The following PRSS23 variants were observed in gnomAD, a reference collection of about 807,000 sequenced individuals.
PRSS23 encodes serine protease 23.
A neutral mutation model predicts 34.7 loss-of-function variants in PRSS23; 25 were observed. The observed-to-expected ratio is 0.72, with a 90% confidence interval of 0.53 to 1.01. PRSS23 has a LOEUF of 1.01. Among genes scored for constraint, PRSS23 ranks in the 50% least tolerant of loss-of-function variants. The pLI, the probability that PRSS23 is intolerant of heterozygous loss-of-function variation, is 0.00. For synonymous variants in PRSS23, 176 were observed against 186.6 expected (o/e 0.94, Z 0.46); for missense variants, 445 against 475.6 (o/e 0.94, Z 0.60).
At chr11:86,930,054 C>T (rs1260458705) in intron 2 of PRSS23, among the ~76,000 whole-genome samples, 5 of 151,578 alleles carry the variant, frequency 3.3e-5, no homozygotes, top group African/African-American at 9.7e-5. Context: ...TAGTATTATA[C>T]TATACTATAA....
intron 2 of PRSS23, chr11:86,832,628 A>G (rs556047981): frequency 4.1e-6 from 2 of 488,810 alleles, no homozygotes; most frequent in African/African-American, 2.0e-5. Context: ...CGTGTACATC[A>G]TTGAGGCCAC....
At chr11:86,863,250 G>C (rs373994401) in intron 2 of PRSS23, among the ~76,000 whole-genome samples, 1 of 152,046 alleles carries the variant, frequency 6.6e-6, no homozygotes, top group East Asian at 1.9e-4. Context: ...TATATTATTT[G>C]TAACATCATA....
intron 2 of PRSS23, among the ~76,000 whole-genome samples, chr11:86,869,191 G>C (rs907249897): frequency 9.9e-5 from 15 of 152,134 alleles, no homozygotes; most frequent in Admixed American, 9.2e-4. Context: ...AGAAAAGTAG[G>C]TAGACAAACA....
At chr11:86,902,014 A>C (rs371401321) in intron 2 of PRSS23, among the ~76,000 whole-genome samples, 7 of 152,262 alleles carry the variant, frequency 4.6e-5, no homozygotes, top group African/African-American at 1.4e-4. Context: ...GGTGTTGCTC[A>C]TCTTTGCTTA....
chr11:86,944,054 T>A (rs1317034491), intron 2 of PRSS23, among the ~76,000 whole-genome samples: 1 of 152,064 alleles, frequency 6.6e-6, no homozygotes, highest in Non-Finnish European at 1.5e-5. Context: ...AGGAATTTAT[T>A]CTTACACAGT....
intron 2 of PRSS23, among the ~76,000 whole-genome samples, chr11:86,886,127 G>A (rs1385349013): frequency 6.6e-6 from 1 of 152,224 alleles, no homozygotes; most frequent in Non-Finnish European, 1.5e-5. Flanking sequence ...ACTTTGGGAA[G>A]CTGAGGCAGG....
chr11:86,869,037 T>C (rs1341311025), intron 2 of PRSS23, among the ~76,000 whole-genome samples: 1 of 152,142 alleles, frequency 6.6e-6, no homozygotes, highest in African/African-American at 2.4e-5. Flanking sequence ...GCTCTAAAAG[T>C]CCTGGAGTCA....
chr11:86,801,006 C>G (rs1276171417), intron 1 of PRSS23, among the ~76,000 whole-genome samples: 1 of 151,996 alleles, frequency 6.6e-6, no homozygotes, highest in Non-Finnish European at 1.5e-5. Context: ...CCCCCATGCA[C>G]CCCCCCAACA....
At chr11:86,823,598 G>A (rs776405802) in intron 2 of PRSS23, 9 of 702,486 alleles carry the variant, frequency 1.3e-5, no homozygotes, top group Admixed American at 2.0e-5. Context: ...GAGGAGGTAA[G>A]TTCATATCAG....
intron 2 of PRSS23, among the ~76,000 whole-genome samples, chr11:86,918,526 C>T (rs1337854980): frequency 2.6e-5 from 4 of 152,192 alleles, no homozygotes; most frequent in African/African-American, 7.2e-5. Context: ...ATTAAAATCC[C>T]CATCCCCTTC....
chr11:86,799,139 T>A (rs1051031223), upstream of PRSS23, among the ~76,000 whole-genome samples: 3 of 152,168 alleles, frequency 2.0e-5, no homozygotes, highest in African/African-American at 2.4e-5. Context: ...ACGCGTGTAA[T>A]ACTTGCTGAG....
At chr11:86,827,636 T>C (rs190100471) in intron 2 of PRSS23, among the ~76,000 whole-genome samples, 2,374 of 152,300 alleles carry the variant, frequency 0.016, 65 homozygotes, top group African/African-American at 0.054. Flanking sequence ...CATTTAGTGC[T>C]ATAAATTTCC....
Position 86,808,238 on chromosome 11 carries a change from T to C in PRSS23, c.595T>C (p.Phe199Leu). The C allele has an allele frequency of 6.2e-7, 1 of 1,614,058 alleles. No individual in the cohort carries two copies. The highest frequency in any genetic ancestry group is 8.5e-7 in the Non-Finnish European group (1 of 1,180,004). The stretch of plus-strand genomic sequence containing the variant: ...TCGAGTGGGCTTCCTAAAGCCCAAG[T>C]TTAAAGATGGTGGTCGAGGGGCCAA... ...KLRVGFLKPK[F>L]KDGGRGANDS... is the part of the protein sequence containing the mutation. The change falls in exon 2 of 2, where the codon TTT (phenylalanine) becomes CTT (leucine). Residue 199 changes from phenylalanine (F) to leucine (L), a missense_variant. Physicochemically the swap from Phe to Leu is conservative, Grantham distance 22. Transcript: ENST00000280258.
At position 86,883,519 on chromosome 11, in the gene PRSS23, A is replaced by C. The variant is rs149172304; in HGVS notation, c.206+59926A>C. ...CAAGATGGATTAAAGACTTAAATGT[A>C]AAACCCCAAACTATAAAAACCCTGG... On this transcript the variant is annotated intron_variant, in intron 2 of 2. Coordinates refer to the PRSS23 transcript ENST00000533902. Among the ~76,000 whole-genome samples, 728 of 152,316 alleles carry C rather than the reference A, an allele frequency of 4.8e-3. 3 individuals carry two copies. The highest frequency in any genetic ancestry group is 0.016 in the African/African-American group (681 of 41,580).
chr11:86,831,184 C>T (rs1481292203), intron 2 of PRSS23, among the ~76,000 whole-genome samples: 1 of 151,890 alleles, frequency 6.6e-6, no homozygotes, highest in Non-Finnish European at 1.5e-5. Context: ...TGTCACAATG[C>T]TTGTACACCC....
chr11:86,832,610 G>T (rs1308968394), intron 2 of PRSS23: 5 of 495,116 alleles, frequency 1.0e-5, no homozygotes, highest in Admixed American at 8.1e-5. Flanking sequence ...CAGCATGGGG[G>T]TGATCACCGT....
At chr11:86,820,883 T>C (rs1187194360) in intron 1 of PRSS23, among the ~76,000 whole-genome samples, 1 of 152,218 alleles carries the variant, frequency 6.6e-6, no homozygotes, top group Non-Finnish European at 1.5e-5. Context: ...TACCCAACTG[T>C]AAATTCTTTT....
upstream of PRSS23, among the ~76,000 whole-genome samples, chr11:86,798,072 T>C (rs1947992900): frequency 6.6e-6 from 1 of 152,230 alleles, no homozygotes; most frequent in Non-Finnish European, 1.5e-5. Flanking sequence ...GTGACTCTAA[T>C]ACAACTTGAG....
At chr11:86,813,237 T>C (rs182224528), downstream of PRSS23, among the ~76,000 whole-genome samples, 2 of 152,192 alleles carry the variant, frequency 1.3e-5, no homozygotes, top group Non-Finnish European at 2.9e-5. Context: ...TCAAGCCCAG[T>C]CATCTTGTTT....
Sources: gnomAD v4.1 joint callset for allele counts (sites outside exome capture counted in the v4.1 genomes callset) on GRCh38, gnomAD v4.1.1 for gene constraint, MANE v1.5 for transcripts, NCBI Gene and HGNC (gene_info 2026-07-23, HGNC 2026-07-21) for gene names.